The following KIF21B variants were observed in gnomAD, a reference collection of about 807,000 sequenced individuals.
KIF21B encodes kinesin family member 21B.
In KIF21B, 85 loss-of-function variants were observed where a neutral mutation model predicts 192.9. The ratio of observed to expected loss-of-function variants is 0.44; its 90% CI spans 0.37 to 0.53. The LOEUF (loss-of-function observed/expected upper bound fraction) is 0.53, where lower values mean the gene tolerates loss of function less well. KIF21B is among the 20% of genes least tolerant of loss of function. The pLI is 0.00. For synonymous variants in KIF21B, 832 were observed against 884.6 expected, an observed-to-expected ratio of 0.94 and a Z score of 1.05; for missense variants, 1,716 against 2,194.8, an observed-to-expected ratio of 0.78 and a Z score of 4.36.
At chr1:201,008,169 C>T (rs1174043984) in intron 3 of KIF21B, among the ~76,000 whole-genome samples, 1 of 152,204 alleles carries the variant, frequency 6.6e-6, no homozygotes, top group Non-Finnish European at 1.5e-5. Context: ...TGGTCAAGAG[C>T]ACAGAGACCC....
At chr1:200,981,867 T>C (rs759086192) in intron 28 of KIF21B, among the ~76,000 whole-genome samples, 1 of 152,128 alleles carries the variant, frequency 6.6e-6, no homozygotes, top group Non-Finnish European at 1.5e-5. Flanking sequence ...CGTGAGGGTT[T>C]TGCCACATCC....
intron 30 of KIF21B, among the ~76,000 whole-genome samples, chr1:200,978,362 T>C (rs1284827806): frequency 6.6e-6 from 1 of 152,106 alleles, no homozygotes; most frequent in African/African-American, 2.4e-5. Flanking sequence ...TTTACTTTTT[T>C]TTTTTAAGAC....
Position 201,000,707 on chromosome 1 carries a change from A to C in KIF21B, c.1466+10T>G, listed in dbSNP as rs202222799. 1.1e-5 allele frequency: 17 copies of C among 1,613,984 alleles called. No individual in the cohort carries two copies. In the East Asian group the frequency reaches 3.1e-4, roughly 30 times the overall value. On this transcript the variant is annotated intron_variant, in intron 10 of 34. Coordinates refer to ENST00000461742, the MANE Select transcript of KIF21B (RefSeq NM_001252102.2). The surrounding 1 kb of genome is among the most constrained non-coding windows in gnomAD (Gnocchi z 6.0). The stretch of plus-strand genomic sequence containing the variant: ...AGCCCGCGCACACCTGCCGGAGCTC[A>C]CTCACTCACCGTAGCTCCTCGATCT...
Position 200,998,361 on chromosome 1 carries a change from G to C in KIF21B, c.2077+23C>G, listed in dbSNP as rs772875794. 3 of 1,598,556 alleles carry C rather than the reference G, an allele frequency of 1.9e-6. No homozygotes were observed. The highest frequency in any genetic ancestry group is 2.6e-6 in the Non-Finnish European group (3 of 1,170,616). Reference sequence around the variant, plus strand: ...GAAAAGGGAGGGTCCGGATGGGGTGGAGGGGCATGGCGGTGGCCTCACTGA... The same window carrying C: ...GAAAAGGGAGGGTCCGGATGGGGTGCAGGGGCATGGCGGTGGCCTCACTGA... On this transcript the variant is annotated intron_variant, in intron 14 of 34. Transcript: ENST00000461742. The surrounding 1 kb of genome is among the most constrained non-coding windows in gnomAD (Gnocchi z 4.3).
chr1:201,016,500 T>C (rs1271985896), intron 1 of KIF21B, among the ~76,000 whole-genome samples: 3 of 152,184 alleles, frequency 2.0e-5, no homozygotes, highest in Non-Finnish European at 2.9e-5. Context: ...GCCTGCCAGC[T>C]CTGGGGAAGG....
chr1:201,000,624 G>T lies in KIF21B; in HGVS notation c.1467-16C>A. 2 of 1,613,326 alleles carry T rather than the reference G, an allele frequency of 1.2e-6. No homozygotes were observed. Among genetic ancestry groups the T allele is most frequent in the Non-Finnish European group, 1.7e-6 (2 of 1,179,806 alleles). ...AAGCTTAGTCCTGCACAGGAAGAAC[G>T]AGTGGACGGGGCCGAGTGAGCTGCC... On this transcript the variant is annotated splice_polypyrimidine_tract_variant and intron_variant, in intron 10 of 34. Coordinates refer to ENST00000461742, the MANE Select transcript of KIF21B (RefSeq NM_001252102.2). The surrounding 1 kb of genome is among the most constrained non-coding windows in gnomAD (Gnocchi z 6.0).
In KIF21B at chr1:200,983,114, A is replaced by T; in HGVS notation, c.3804-20T>A. 1 of 1,535,546 alleles carries T rather than the reference A, an allele frequency of 6.5e-7. No individual in the cohort carries two copies. Among genetic ancestry groups the T allele is most frequent in the Non-Finnish European group, 8.7e-7 (1 of 1,146,462 alleles). ...TCAGACCTGGGGAGGGCAGAAAATT[A>T]GCTGGATTAGGGGGTGAGAGGAGAC... On this transcript the variant is annotated intron_variant, in intron 27 of 34. Coordinates refer to ENST00000461742, the MANE Select transcript of KIF21B (RefSeq NM_001252102.2).
In KIF21B at chr1:201,007,375, G is replaced by GACACACACAC. The variant is rs1244724038; in HGVS notation, c.447+1393_447+1394insGTGTGTGTGT. Among the ~76,000 whole-genome samples, 204 of 42,402 alleles carry GACACACACAC rather than the reference G, an allele frequency of 4.8e-3. 48 individuals are homozygous for GACACACACAC. Among genetic ancestry groups the GACACACACAC allele is most frequent in the African/African-American group, 0.039 (187 of 4,760 alleles). 27.8% of individuals were successfully genotyped at this position (42,402 alleles called of 152,430 possible). The stretch of plus-strand genomic sequence containing the variant: ...ACATAGACACACACACACACACAGA[G>GACACACACAC]ACAGAGACACACAGACACACACACG... On this transcript the variant is annotated intron_variant, in intron 3 of 34. Transcript: ENST00000461742.
chr1:200,980,299 G>C (rs1169782142), intron 29 of KIF21B, among the ~76,000 whole-genome samples: 4 of 152,200 alleles, frequency 2.6e-5, no homozygotes, highest in Non-Finnish European at 4.4e-5. Flanking sequence ...CTGTTGCCCA[G>C]GCTGGAGTGT....
intron 29 of KIF21B, among the ~76,000 whole-genome samples, chr1:200,980,705 G>A (rs1176113372): frequency 6.6e-6 from 1 of 152,232 alleles, no homozygotes; most frequent in Non-Finnish European, 1.5e-5. Flanking sequence ...GAAGCTTCCT[G>A]AAGTTTCCCT....
In KIF21B at chr1:200,988,492, C is replaced by A; in HGVS notation, c.3350+1G>T. ...CTCTCACTCCCAGCTTGCAAACTCA[C>A]CTGCCCTCAGAGAACTCTGAGATCT... On this transcript the variant is annotated splice_donor_variant, in intron 23 of 34. Coordinates refer to ENST00000461742, the MANE Select transcript of KIF21B (RefSeq NM_001252102.2). LOFTEE classifies it high-confidence loss of function. 6.2e-7 allele frequency: 1 copy of A among 1,609,272 alleles called. No individual in the cohort carries two copies. The highest frequency in any genetic ancestry group is 8.5e-7 in the Non-Finnish European group (1 of 1,177,478).
chr1:200,977,228 T>G lies in KIF21B; in HGVS notation c.4309A>C (p.Ile1437Leu). The G allele has an allele frequency of 6.2e-7, 1 of 1,612,682 alleles. No homozygotes were observed. Among genetic ancestry groups the G allele is most frequent in the Non-Finnish European group, 8.5e-7 (1 of 1,178,848 alleles). Residue 1437 changes from isoleucine to leucine, a missense_variant, in exon 31 of 35, where the codon ATC becomes CTC. Ile to Leu is a conservative substitution (Grantham distance 5). Around this residue, in one of 3 missense-constraint regions of KIF21B, gnomAD observed 580 missense variants for 775.5 expected, o/e 0.75. Transcript: ENST00000461742. The part of the protein sequence containing the change: ...LYAASGNAVR[I>L]WELSRFQPVG... ...CACGCTGACCTGCTAAGCTCCCAGA[T>G]GCGGACGGCATTGCCCGAGGCGGCG...
rs369904271 is a variant in KIF21B, at chr1:200,982,054, C to T, written c.3843-958G>A. Among the ~76,000 whole-genome samples the T allele has an allele frequency of 4.8e-4, 73 of 152,226 alleles. 3 individuals are homozygous for T. The South Asian group carries it at 9.3e-3, about 19-fold the overall frequency. ...GAAATGATCAAGGTTTTGCCTGTGG[C>T]GCTTCTGGCACAGCTCCCCCCAGAC... On this transcript the variant is annotated intron_variant, in intron 28 of 34. Transcript: ENST00000461742. This position sits in a 1 kb window ranked among gnomAD's most constrained non-coding sequence, Gnocchi z 4.7.
chr1:200,973,766 T>C, intron 34 of KIF21B, 188 bp from the exon 35 acceptor site: 1 of 1,453,814 alleles, frequency 6.9e-7, no homozygotes, highest in Non-Finnish European at 9.0e-7. Context: ...GAGAGGCCTG[T>C]GCACTCAGAG....
At chr1:200,992,135 A>G in intron 16 of KIF21B, 147 bp downstream of exon 16, 1 of 668,426 alleles carries the variant, frequency 1.5e-6, no homozygotes, top group Non-Finnish European at 2.6e-6. Flanking sequence ...TTGCTCTGAC[A>G]GGCTGTACTG....
rs984871941 is a variant in KIF21B at position 200,971,846 on chromosome 1, C to A, written c.*1675G>T. 1 of 152,466 alleles carries A rather than the reference C, an allele frequency of 6.6e-6. No individual in the cohort carries two copies. Among genetic ancestry groups the A allele is most frequent in the Non-Finnish European group, 1.5e-5 (1 of 68,230 alleles). 9.4% of individuals were successfully genotyped at this position (152,466 alleles called of 1,614,324 possible). A position where few individuals can be genotyped will look rare whatever the true frequency, so the allele number is the denominator to read the frequency against. ...ACTCAGCCTCCACTGGAGCCTGCCT[C>A]CCCCCAACACTGGGCGCCACATGGA... On this transcript the variant is annotated 3_prime_UTR_variant, in exon 35 of 35. Transcript: ENST00000461742.
At chr1:201,007,557 AAC>A (rs1657965439) in intron 3 of KIF21B, among the ~76,000 whole-genome samples, 1 of 105,626 alleles carries the variant, frequency 9.5e-6, no homozygotes, top group Non-Finnish European at 2.0e-5. Context: ...CCCACACACA[AAC>A]ACAGAGACAC....
At chr1:200,992,052 C>A (rs1175704208) in intron 16 of KIF21B, among the ~76,000 whole-genome samples, 1 of 152,250 alleles carries the variant, frequency 6.6e-6, no homozygotes, top group Non-Finnish European at 1.5e-5. Flanking sequence ...TGGGCAAGTT[C>A]CTTCCCCTCT....
At chr1:200,987,628 G>A (rs1368835449) in intron 24 of KIF21B, among the ~76,000 whole-genome samples, 1 of 152,240 alleles carries the variant, frequency 6.6e-6, no homozygotes, top group East Asian at 1.9e-4. Context: ...GACATCACCT[G>A]TGCTCCACAG....
Sources: allele counts gnomAD v4.1 joint callset (sites outside exome capture counted in the v4.1 genomes callset), GRCh38; gene constraint gnomAD v4.1.1; regional missense constraint gnomAD v4.1.1; non-coding constraint Gnocchi (gnomAD v3.1); transcripts MANE v1.5; gene names NCBI Gene and HGNC (gene_info 2026-07-23, HGNC 2026-07-21).